GPC6: variants seen among roughly 807,000 people sequenced by gnomAD.
GPC6 encodes glypican-6.
GPC6 carries 14 observed loss-of-function variants against 55.2 expected under a neutral mutation model. The observed-to-expected ratio is 0.25, with a 90% confidence interval of 0.17 to 0.40. The LOEUF (loss-of-function observed/expected upper bound fraction) is 0.40, where lower values mean the gene tolerates loss of function less well. Among genes scored for constraint, GPC6 ranks in the 10% least tolerant of loss-of-function variants. The pLI is 1.00. For synonymous variants in GPC6, 278 were observed against 259.6 expected, an observed-to-expected ratio of 1.07 and a Z score of -0.68; for missense variants, 641 against 708.5, an observed-to-expected ratio of 0.90 and a Z score of 1.08.
rs1325001871 is a variant in GPC6 at position 94,404,490 on chromosome 13, T to C, written c.*1273T>C. The C allele has an allele frequency of 6.6e-6, 1 of 152,208 alleles. No individual in the cohort carries two copies. Among genetic ancestry groups the C allele is most frequent in the Non-Finnish European group, 1.5e-5 (1 of 68,022 alleles). 9.4% of individuals were successfully genotyped at this position (152,208 alleles called of 1,614,324 possible). ...ACCAGCTCTTCTTGTTTTGTGCTGC[T>C]CAAAGAAGGGATTCCTCAGTGATCG... On this transcript the variant is annotated 3_prime_UTR_variant, in exon 9 of 9. Transcript: ENST00000377047.
rs570109161 is a variant in GPC6 at position 94,090,220 on chromosome 13, A to C, written c.877+62326A>C. 2.6e-5 allele frequency among the ~76,000 whole-genome samples: 4 copies of C among 152,196 alleles called. 1 individual carries two copies. Among genetic ancestry groups the C allele is most frequent in the African/African-American group, 9.6e-5 (4 of 41,548 alleles). On this transcript the variant is annotated intron_variant, in intron 4 of 8. Transcript: ENST00000377047. ...TGTGCAGGGGAACTGCCCTTTATAA[A>C]ACCATCAGATCTCGTGAGACTTACT...
intron 2 of GPC6, among the ~76,000 whole-genome samples, chr13:93,599,751 G>A (rs1877931462): frequency 6.6e-6 from 1 of 152,154 alleles, no homozygotes; most frequent in African/African-American, 2.4e-5. Context: ...GCCAAAATGA[G>A]GGTTAGCTTA....
intron 4 of GPC6, among the ~76,000 whole-genome samples, chr13:94,226,514 T>G (rs1349938202): frequency 6.6e-6 from 1 of 152,200 alleles, no homozygotes; most frequent in Non-Finnish European, 1.5e-5. Context: ...CATGTGTACA[T>G]GTATTAAAAC....
chr13:94,049,545 G>A (rs1434374665), intron 4 of GPC6, among the ~76,000 whole-genome samples: 1 of 151,966 alleles, frequency 6.6e-6, no homozygotes, highest in Non-Finnish European at 1.5e-5. Flanking sequence ...AACCCTCCAG[G>A]CATCATCACA....
intron 4 of GPC6, among the ~76,000 whole-genome samples, chr13:94,216,713 C>T (rs1311119694): frequency 1.3e-5 from 2 of 152,176 alleles, no homozygotes; most frequent in Non-Finnish European, 2.9e-5. Context: ...AACCCTAGGA[C>T]TCCACTTTAA....
chr13:94,030,253 C>A, intron 4 of GPC6, among the ~76,000 whole-genome samples: 1 of 152,130 alleles, frequency 6.6e-6, no homozygotes, highest in East Asian at 1.9e-4. Flanking sequence ...TCGTGATCTG[C>A]CCGCCTCGGC....
At chr13:93,276,860 GCTTA>G (rs1194560718) in intron 1 of GPC6, among the ~76,000 whole-genome samples, 2 of 152,122 alleles carry the variant, frequency 1.3e-5, no homozygotes, top group African/African-American at 4.8e-5. Context: ...TTTCTTTCCA[GCTTA>G]CTTCTTTTCC....
intron 2 of GPC6, among the ~76,000 whole-genome samples, chr13:93,572,391 A>G (rs1876451929): frequency 1.3e-5 from 2 of 152,124 alleles, no homozygotes; most frequent in South Asian, 4.1e-4. Flanking sequence ...AATGATATAT[A>G]CCAGTGGTCC....
In GPC6 at chr13:93,830,163, G is replaced by A. The variant is rs758758232; in HGVS notation, c.329G>A (p.Arg110Gln). 68 of 1,605,630 alleles carry A rather than the reference G, an allele frequency of 4.2e-5. No individual in the cohort carries two copies. Among genetic ancestry groups the A allele is most frequent in the Admixed American group, 6.7e-5 (4 of 59,262 alleles). The change falls in exon 3 of 9, where the codon CGA becomes CAA. Residue 110 changes from arginine to glutamine, a missense_variant. Physicochemically the swap from Arg to Gln is conservative, Grantham distance 43 (BLOSUM62 1). Transcript: ENST00000377047. ...SRHKKFDEFF[R>Q]ELLENAEKSL... is the part of the protein sequence containing the mutation. ...TCTGTTTTATCTGCAGAATTTTTCC[G>A]AGAGCTCCTGGAGAATGCAGAAAAG... is the stretch of plus-strand genomic sequence containing the variant.
intron 1 of GPC6, among the ~76,000 whole-genome samples, chr13:93,239,238 A>T (rs2139012847): frequency 6.6e-6 from 1 of 152,044 alleles, no homozygotes; most frequent in Middle Eastern, 3.4e-3. Flanking sequence ...AAAATTTTTT[A>T]AATTACTGAT....
At chr13:94,171,785 T>C (rs548604411) in intron 4 of GPC6, among the ~76,000 whole-genome samples, 5 of 152,282 alleles carry the variant, frequency 3.3e-5, no homozygotes, top group African/African-American at 9.6e-5. Context: ...AAAGCACAAC[T>C]GCGTGCTTCA....
chr13:94,360,718 A>G (rs1879023933), intron 6 of GPC6, among the ~76,000 whole-genome samples: 1 of 152,146 alleles, frequency 6.6e-6, no homozygotes, highest in African/African-American at 2.4e-5. Context: ...TCCTCCCCCC[A>G]AATATATTTT....
At chr13:93,587,063 G>C (rs913298154) in intron 2 of GPC6, among the ~76,000 whole-genome samples, 3 of 152,172 alleles carry the variant, frequency 2.0e-5, no homozygotes, top group African/African-American at 7.2e-5. Flanking sequence ...CATGTACTTA[G>C]ACAAGTGATT....
chr13:94,033,562 A>C (rs1205137404), intron 4 of GPC6, among the ~76,000 whole-genome samples: 1 of 152,240 alleles, frequency 6.6e-6, no homozygotes, highest in African/African-American at 2.4e-5. Flanking sequence ...GTTATGTTGC[A>C]TTTTAGGAGA....
intron 4 of GPC6, among the ~76,000 whole-genome samples, chr13:94,244,484 A>T (rs1053196710): frequency 7.2e-5 from 11 of 152,164 alleles, no homozygotes; most frequent in African/African-American, 2.7e-4. Flanking sequence ...TTGACCAAAT[A>T]TGCAAGGAGA....
chr13:94,048,206 A>G (rs924135983), intron 4 of GPC6, among the ~76,000 whole-genome samples: 1 of 152,096 alleles, frequency 6.6e-6, no homozygotes, highest in African/African-American at 2.4e-5. Flanking sequence ...AGGCATAAGA[A>G]TACATGAAGG....
At chr13:93,563,969 G>A (rs1307553883) in intron 2 of GPC6, among the ~76,000 whole-genome samples, 1 of 151,882 alleles carries the variant, frequency 6.6e-6, no homozygotes, top group Non-Finnish European at 1.5e-5. Context: ...TGAGATTTTC[G>A]TGCACCCTTC....
At chr13:93,910,447 T>C (rs994372135) in intron 3 of GPC6, among the ~76,000 whole-genome samples, 6 of 152,056 alleles carry the variant, frequency 3.9e-5, no homozygotes, top group African/African-American at 7.2e-5. Flanking sequence ...TGAGAACTAA[T>C]ACAATGTGTG....
At chr13:94,207,792 C>G (rs1413034323) in intron 4 of GPC6, among the ~76,000 whole-genome samples, 1 of 152,122 alleles carries the variant, frequency 6.6e-6, no homozygotes, top group Non-Finnish European at 1.5e-5. Context: ...TTACATATCC[C>G]TGGGCAAACT....
Sources: gnomAD v4.1 joint callset for allele counts (sites outside exome capture counted in the v4.1 genomes callset) on GRCh38, gnomAD v4.1.1 for gene constraint, MANE v1.5 for transcripts, NCBI Gene and HGNC (gene_info 2026-07-23, HGNC 2026-07-21) for gene names.